The following PCDHGA6 variants were observed in gnomAD, a reference collection of about 807,000 sequenced individuals.
PCDHGA6 encodes protocadherin gamma-A6.
A neutral mutation model predicts 60.6 loss-of-function variants in PCDHGA6; 41 were observed. The ratio of observed to expected loss-of-function variants is 0.68; its 90% CI spans 0.53 to 0.88. The LOEUF (loss-of-function observed/expected upper bound fraction) is 0.88. Ranked by LOEUF, PCDHGA6 falls within the 40% of genes least tolerant of loss-of-function variation. PCDHGA6 has a pLI of 0.00. For missense variants in PCDHGA6, 1,312 were observed against 1,203.0 expected (o/e 1.09, Z -1.34); for synonymous variants, 594 against 524.4 (o/e 1.13, Z -1.81).
chr5:141,481,856 G>A (rs1402368786), intron 1 of PCDHGA6, among the ~76,000 whole-genome samples: 1 of 149,156 alleles, frequency 6.7e-6, no homozygotes, highest in Admixed American at 6.8e-5. Flanking sequence ...GGAGGTTGCA[G>A]TGAGCCGAGA....
chr5:141,445,416 T>C lies in PCDHGA6; in HGVS notation c.2425-49391T>C, dbSNP rs190826518. ...TAACAAATATTTATTAACTGTCTGC[T>C]ATATGCAAGGCACTGACCTATGGAC... On this transcript the variant is annotated intron_variant, in intron 1 of 3. Coordinates refer to ENST00000517434, the MANE Select transcript of PCDHGA6 (RefSeq NM_018919.3). 2.2e-3 allele frequency among the ~76,000 whole-genome samples: 336 copies of C among 152,342 alleles called. 1 individual carries two copies. The highest frequency in any genetic ancestry group is 0.01 in the Middle Eastern group (3 of 294).
intron 1 of PCDHGA6, chr5:141,428,158 G>C (rs776350833): frequency 3.8e-6 from 6 of 1,577,610 alleles, no homozygotes; most frequent in Non-Finnish European, 5.2e-6. Context: ...GGAACCTGCT[G>C]GTTGCTGTGC....
chr5:141,448,545 A>T lies in PCDHGA6; in HGVS notation c.2425-46262A>T, dbSNP rs537259621. On this transcript the variant is annotated intron_variant, in intron 1 of 3. Coordinates refer to ENST00000517434, the MANE Select transcript of PCDHGA6 (RefSeq NM_018919.3). ...AGCATCCTGTCAGCATTTCTTATGC[A>T]AATATGTACATATATTTTTATTTCC... 1.5e-4 allele frequency among the ~76,000 whole-genome samples: 23 copies of T among 152,334 alleles called. 1 individual carries two copies. The South Asian group carries it at 2.7e-3, about 18-fold the overall frequency.
chr5:141,399,831 TG>T (rs1368149251), intron 1 of PCDHGA6: 1 of 1,613,172 alleles, frequency 6.2e-7, no homozygotes, highest in South Asian at 1.1e-5. Flanking sequence ...CCGACGGCTC[TG>T]CGCTCTTCGA....
intron 1 of PCDHGA6, chr5:141,394,001 G>T: frequency 6.2e-7 from 1 of 1,613,458 alleles, no homozygotes; most frequent in Non-Finnish European, 8.5e-7. Flanking sequence ...AATTAGAAAA[G>T]TCAATAGGTA....
At chr5:141,428,055 G>T in intron 1 of PCDHGA6, 1 of 1,609,070 alleles carries the variant, frequency 6.2e-7, no homozygotes, top group Non-Finnish European at 8.5e-7. Context: ...CAAGGTGGTG[G>T]CGGTGGACGC....
rs71576115 is a variant in PCDHGA6 at position 141,463,438 on chromosome 5, C to CTTTT, written c.2425-31344_2425-31341dup. Among the ~76,000 whole-genome samples, 106 of 103,254 alleles carry CTTTT rather than the reference C, an allele frequency of 1.0e-3. 8 individuals are homozygous for CTTTT. Among genetic ancestry groups the CTTTT allele is most frequent in the African/African-American group, 3.9e-3 (88 of 22,404 alleles). The allele number at this position is 103,254 out of a possible 152,430, so 67.7% of individuals were successfully genotyped here. ...GTTTGCGGATCCTCATTTCCTTCTC[C>CTTTT]TTTTTTTTTTTTTTTTTTTTTTTTT... is the stretch of plus-strand genomic sequence containing the variant. On this transcript the variant is annotated intron_variant, in intron 1 of 3. Transcript: ENST00000517434.
intron 1 of PCDHGA6, chr5:141,423,278 A>C: frequency 1.2e-6 from 2 of 1,613,940 alleles, no homozygotes; most frequent in Non-Finnish European, 1.7e-6. Flanking sequence ...TCTCTGGCTA[A>C]CTCTGAAACC....
At chr5:141,501,206 A>G (rs977574347) in intron 2 of PCDHGA6, among the ~76,000 whole-genome samples, 22 of 151,674 alleles carry the variant, frequency 1.5e-4, no homozygotes, top group African/African-American at 5.3e-4. Context: ...GGGTGTTGTC[A>G]GGGTGACTTC....
intron 1 of PCDHGA6, chr5:141,408,288 T>C (rs755091342): frequency 6.2e-7 from 1 of 1,613,234 alleles, no homozygotes; most frequent in Non-Finnish European, 8.5e-7. Context: ...TACCCCACCC[T>C]GAGTGAGCCG....
intron 3 of PCDHGA6, among the ~76,000 whole-genome samples, chr5:141,507,891 C>A (rs1031803854): frequency 6.6e-6 from 1 of 152,208 alleles, no homozygotes; most frequent in African/African-American, 2.4e-5. Flanking sequence ...AGAGAGGTTC[C>A]TGAAGTCCAG....
Position 141,398,085 on chromosome 5 carries a change from T to C in PCDHGA6, c.2424+21578T>C, listed in dbSNP as rs140389005. 4,220 of 1,598,288 alleles carry C rather than the reference T, an allele frequency of 2.6e-3. 81 individuals carry two copies. In the African/African-American group the frequency reaches 0.047, roughly 18 times the overall value. ...TACAATACAGAGGTTATTTGTAACCTGGCGTCTCCAGGCTGGTGAGCAAGC... is the reference window on the plus strand; with the variant it reads ...TACAATACAGAGGTTATTTGTAACCCGGCGTCTCCAGGCTGGTGAGCAAGC... On this transcript the variant is annotated intron_variant, in intron 1 of 3. Coordinates refer to ENST00000517434, the MANE Select transcript of PCDHGA6 (RefSeq NM_018919.3).
chr5:141,386,043 T>A (rs1356183154), intron 1 of PCDHGA6: 7 of 152,254 alleles, frequency 4.6e-5, no homozygotes, highest in Admixed American at 1.3e-4. Context: ...GGCAATTACA[T>A]GTTTTAACAG....
At chr5:141,462,823 G>A (rs1420321501) in intron 1 of PCDHGA6, among the ~76,000 whole-genome samples, 1 of 152,170 alleles carries the variant, frequency 6.6e-6, no homozygotes, top group African/African-American at 2.4e-5. Flanking sequence ...TTGGACAGCA[G>A]ACATTGTAAA....
intron 2 of PCDHGA6, among the ~76,000 whole-genome samples, chr5:141,504,870 AG>A (rs1453764331): frequency 6.6e-6 from 1 of 151,996 alleles, no homozygotes; most frequent in Non-Finnish European, 1.5e-5. Context: ...CCACCTTCAC[AG>A]TCCTCTGGAG....
intron 1 of PCDHGA6, chr5:141,394,190 G>A (rs1370592594): frequency 1.9e-6 from 3 of 1,613,800 alleles, no homozygotes; most frequent in African/African-American, 1.3e-5. Context: ...CCTACTCAGC[G>A]TATATCCTAG....
At chr5:141,453,001 G>C (rs1225973632) in intron 1 of PCDHGA6, among the ~76,000 whole-genome samples, 3 of 152,168 alleles carry the variant, frequency 2.0e-5, no homozygotes, top group African/African-American at 7.2e-5. Flanking sequence ...AAAGTTACCT[G>C]TAGTATAGTT....
At chr5:141,410,636 T>G (rs1050547360) in intron 1 of PCDHGA6, 1 of 1,599,982 alleles carries the variant, frequency 6.3e-7, no homozygotes, top group Admixed American at 1.7e-5. Context: ...TTTCTCTTTT[T>G]TGTGTGTGAT....
rs532502013 is a variant in PCDHGA6 at position 141,404,723 on chromosome 5, G to A, written c.2424+28216G>A. 3.1e-6 allele frequency: 5 copies of A among 1,614,094 alleles called. No individual in the cohort carries two copies. Among genetic ancestry groups the A allele is most frequent in the Middle Eastern group, 1.6e-4 (1 of 6,062 alleles). On this transcript the variant is annotated intron_variant, in intron 1 of 3. Coordinates refer to ENST00000517434, the MANE Select transcript of PCDHGA6 (RefSeq NM_018919.3). ...AGAGCCTGGCTACCTGGTGACCAAG[G>A]TGGTGGCAGTGGACAGAGACTCAGG...
Sources: gnomAD v4.1 joint callset for allele counts (sites outside exome capture counted in the v4.1 genomes callset) on GRCh38, gnomAD v4.1.1 for gene constraint, MANE v1.5 for transcripts, NCBI Gene and HGNC (gene_info 2026-07-23, HGNC 2026-07-21) for gene names.